Variants in ZNF395 observed in about 807,000 individuals in gnomAD.
ZNF395 encodes zinc finger protein 395.
Under a neutral mutation model 57.7 loss-of-function variants are expected in ZNF395, and 20 were observed. That is an observed-to-expected ratio of 0.35 (90% CI 0.24 to 0.50). The LOEUF (loss-of-function observed/expected upper bound fraction) is 0.50, where lower values mean the gene tolerates loss of function less well. Among genes scored for constraint, ZNF395 ranks in the 20% least tolerant of loss-of-function variants. ZNF395 has a pLI of 0.97. For synonymous variants in ZNF395, 295 were observed against 275.9 expected (o/e 1.07, Z -0.69); for missense variants, 606 against 671.2 (o/e 0.90, Z 1.07).
chr8:28,350,806 T>C (rs748963221), intron 7 of ZNF395, among the ~76,000 whole-genome samples: 21 of 152,224 alleles, frequency 1.4e-4, no homozygotes, highest in Non-Finnish European at 2.5e-4. Flanking sequence ...AAAAGAATTT[T>C]AAGAAATATC....
rs190342279 is a variant in ZNF395 at position 28,350,681 on chromosome 8, G to T, written c.1234-525C>A. 1.1e-3 allele frequency among the ~76,000 whole-genome samples: 174 copies of T among 152,326 alleles called. 2 individuals carry two copies. The highest frequency in any genetic ancestry group is 3.1e-3 in the Admixed American group (48 of 15,304). ...GGGCCAAACATGAAATCGCTAAGCGGCCACTCATTCTAACAAGGAGGAGGG... is the reference window on the plus strand; with the variant it reads ...GGGCCAAACATGAAATCGCTAAGCGTCCACTCATTCTAACAAGGAGGAGGG... On this transcript the variant is annotated intron_variant, in intron 7 of 9. Transcript: ENST00000344423.
intron 1 of ZNF395, among the ~76,000 whole-genome samples, chr8:28,375,086 C>G (rs1473355722): frequency 6.6e-6 from 1 of 152,092 alleles, no homozygotes; most frequent in Non-Finnish European, 1.5e-5. Context: ...CCTATAGAGT[C>G]CTTAGAAATA....
intron 1 of ZNF395, among the ~76,000 whole-genome samples, chr8:28,370,252 T>C (rs931813289): frequency 1.3e-5 from 2 of 150,312 alleles, no homozygotes; most frequent in African/African-American, 4.9e-5. Context: ...GAGACACAGG[T>C]TTCACCCCAA....
rs370505752 is a variant in ZNF395, at chr8:28,352,564, C to A, written c.920+9G>T. 24 of 1,613,322 alleles carry A rather than the reference C, an allele frequency of 1.5e-5. No individual in the cohort carries two copies. The African/African-American group carries it at 2.8e-4, about 19-fold the overall frequency. On this transcript the variant is annotated intron_variant, in intron 6 of 9. Coordinates refer to ENST00000344423, the MANE Select transcript of ZNF395 (RefSeq NM_018660.3). This position sits in a 1 kb window ranked among gnomAD's most constrained non-coding sequence, Gnocchi z 4.0. ...GACCCTAGGCTAGAGGCCCTGGGCTCGCACATACCCCAGATGGAGGGCTTT... is the reference window on the plus strand; with the variant it reads ...GACCCTAGGCTAGAGGCCCTGGGCTAGCACATACCCCAGATGGAGGGCTTT...
Position 28,348,559 on chromosome 8 carries a change from T to C in ZNF395, c.*160A>G. ...TTTAAAAAATAAAATGTTCGCACAA[T>C]GGGAGAAAATTGCTTTAAGTGTTAC... On this transcript the variant is annotated 3_prime_UTR_variant, in exon 10 of 10. Coordinates refer to ENST00000344423, the MANE Select transcript of ZNF395 (RefSeq NM_018660.3). 1.6e-6 allele frequency: 1 copy of C among 641,732 alleles called. No individual in the cohort carries two copies. Among genetic ancestry groups the C allele is most frequent in the Non-Finnish European group, 2.8e-6 (1 of 361,756 alleles). 39.8% of individuals were successfully genotyped at this position (641,732 alleles called of 1,614,324 possible).
chr8:28,374,058 G>A (rs1354901316), intron 1 of ZNF395, among the ~76,000 whole-genome samples: 1 of 152,150 alleles, frequency 6.6e-6, no homozygotes, highest in African/African-American at 2.4e-5. Context: ...AACAGTAAAG[G>A]ATCTGGAAAT....
chr8:28,353,696 T>C (rs1245334790), intron 4 of ZNF395, among the ~76,000 whole-genome samples: 1 of 152,168 alleles, frequency 6.6e-6, no homozygotes, highest in Non-Finnish European at 1.5e-5. Context: ...CTTGCTATGT[T>C]GCCCAGGCCG....
intron 7 of ZNF395, 142 bp from the exon 8 acceptor site, chr8:28,350,298 G>A: frequency 1.4e-6 from 1 of 698,350 alleles, no homozygotes; most frequent in East Asian, 2.9e-5. Flanking sequence ...GACACACTCG[G>A]CTTTCTCGAG....
intron 1 of ZNF395, among the ~76,000 whole-genome samples, chr8:28,364,823 C>T (rs1801891769): frequency 6.6e-6 from 1 of 152,192 alleles, no homozygotes; most frequent in South Asian, 2.1e-4. Flanking sequence ...CATTTTCTCA[C>T]GTACTTTCAT....
chr8:28,358,693 G>C lies in ZNF395; in HGVS notation c.473+899C>G, dbSNP rs77660198. Among the ~76,000 whole-genome samples the C allele has an allele frequency of 4.7e-3, 716 of 152,300 alleles. 25 individuals carry two copies. In the East Asian group the frequency reaches 0.094, roughly 20 times the overall value. On this transcript the variant is annotated intron_variant, in intron 3 of 9. Coordinates refer to ENST00000344423, the MANE Select transcript of ZNF395 (RefSeq NM_018660.3). ...CTCAAGCAATCTTCCCAAAGTGGTG[G>C]AGTTACAGGTGTGAGCCACTGCGCC...
Position 28,348,657 on chromosome 8 carries a change from C to G in ZNF395, c.*62G>C, listed in dbSNP as rs943728981. On this transcript the variant is annotated 3_prime_UTR_variant, in exon 10 of 10. Coordinates refer to ENST00000344423, the MANE Select transcript of ZNF395 (RefSeq NM_018660.3). Reference sequence around the variant, plus strand: ...CGGTTTCTGCTGAGGGCTGGTGACACACTGGCCTCTTGTCAGTGGCTGCCG... The same window carrying G: ...CGGTTTCTGCTGAGGGCTGGTGACAGACTGGCCTCTTGTCAGTGGCTGCCG... 1 of 1,452,656 alleles carries G rather than the reference C, an allele frequency of 6.9e-7. No homozygotes were observed. Among genetic ancestry groups the G allele is most frequent in the Non-Finnish European group, 9.7e-7 (1 of 1,033,554 alleles). 90.0% of individuals were successfully genotyped at this position (1,452,656 alleles called of 1,614,324 possible).
At position 28,366,092 on chromosome 8, in the gene ZNF395, C is replaced by T. The variant is rs183102385; in HGVS notation, c.-58-4910G>A. 2.4e-4 allele frequency among the ~76,000 whole-genome samples: 37 copies of T among 152,270 alleles called. No individual in the cohort carries two copies. In the South Asian group the frequency reaches 4.4e-3, roughly 18 times the overall value. Reference sequence around the variant, plus strand: ...AGTCAAAGTGATTCACTGCACAACTCGTGGGGTTTATTTTAACTTAAGAAG... The same window carrying T: ...AGTCAAAGTGATTCACTGCACAACTTGTGGGGTTTATTTTAACTTAAGAAG... On this transcript the variant is annotated intron_variant, in intron 1 of 9. Coordinates refer to ENST00000344423, the MANE Select transcript of ZNF395 (RefSeq NM_018660.3).
chr8:28,368,858 T>G (rs567203455), intron 1 of ZNF395, among the ~76,000 whole-genome samples: 7 of 152,052 alleles, frequency 4.6e-5, no homozygotes, highest in African/African-American at 1.2e-4. Context: ...TTTTTTGAGA[T>G]AGAGTCTCGC....
rs555493136 is a variant in ZNF395, at chr8:28,368,829, C to T, written c.-58-7647G>A. 3.2e-4 allele frequency among the ~76,000 whole-genome samples: 49 copies of T among 152,166 alleles called. No homozygotes were observed. The South Asian group carries it at 1.0e-2, about 31-fold the overall frequency. ...GAGGAACACAGGAACATGGACTCTA[C>T]TTTCTTTTCTTTCTCTTTTTTTTTG... On this transcript the variant is annotated intron_variant, in intron 1 of 9. Coordinates refer to ENST00000344423, the MANE Select transcript of ZNF395 (RefSeq NM_018660.3).
chr8:28,362,099 A>T (rs1585856988), intron 1 of ZNF395, among the ~76,000 whole-genome samples: 1 of 151,912 alleles, frequency 6.6e-6, no homozygotes, highest in Non-Finnish European at 1.5e-5. Flanking sequence ...CTCAAAAAAA[A>T]AAAAAAGAAA....
chr8:28,377,262 G>C (rs1415063842), intron 1 of ZNF395, among the ~76,000 whole-genome samples: 3 of 152,106 alleles, frequency 2.0e-5, no homozygotes, highest in African/African-American at 7.2e-5. Context: ...ATTTAAGCCA[G>C]AAGCAGTGGC....
chr8:28,370,149 C>T (rs1801959760), intron 1 of ZNF395, among the ~76,000 whole-genome samples: 2 of 151,820 alleles, frequency 1.3e-5, no homozygotes, highest in Admixed American at 6.6e-5. Flanking sequence ...TCCATGTGAA[C>T]ATTTTCCATT....
intron 1 of ZNF395, among the ~76,000 whole-genome samples, chr8:28,377,891 G>GGTGTT (rs1206001578): frequency 6.6e-6 from 1 of 150,884 alleles, no homozygotes; most frequent in Non-Finnish European, 1.5e-5. Flanking sequence ...CCGAGTAGCT[G>GGTGTT]GTGTTACAGG....
chr8:28,354,255 T>C (rs1462874000), intron 4 of ZNF395, among the ~76,000 whole-genome samples: 2 of 152,104 alleles, frequency 1.3e-5, no homozygotes, highest in Non-Finnish European at 2.9e-5. Flanking sequence ...AAACAGCACA[T>C]CTGCAGGCTG....
Sources: gnomAD v4.1 joint callset for allele counts (sites outside exome capture counted in the v4.1 genomes callset) on GRCh38, gnomAD v4.1.1 for gene constraint, Gnocchi (gnomAD v3.1) non-coding constraint, MANE v1.5 for transcripts, NCBI Gene and HGNC (gene_info 2026-07-23, HGNC 2026-07-21) for gene names.